The following DPF3 variants were observed in gnomAD, a reference collection of about 807,000 sequenced individuals.
DPF3 encodes double PHD fingers 3, also known as zinc finger protein DPF3.
In DPF3, 18 loss-of-function variants were observed where a neutral mutation model predicts 56.8. The ratio of observed to expected loss-of-function variants is 0.32; its 90% CI spans 0.22 to 0.47. DPF3 has a LOEUF of 0.47. Ranked by LOEUF, DPF3 falls within the 20% of genes least tolerant of loss-of-function variation. The pLI is 1.00. For synonymous variants in DPF3, 188 were observed against 180.2 expected (o/e 1.04, Z -0.35); for missense variants, 403 against 488.8 (o/e 0.82, Z 1.65).
rs114761291 is a variant in DPF3, at chr14:72,620,105, C to A, written c.985-121G>T. 1.7e-3 allele frequency: 1,797 copies of A among 1,032,098 alleles called. 9 individuals carry two copies. Among genetic ancestry groups the A allele is most frequent in the African/African-American group, 0.014 (889 of 61,940 alleles). The allele number at this position is 1,032,098 out of a possible 1,614,324, so 63.9% of individuals were successfully genotyped here. A position where few individuals can be genotyped will look rare whatever the true frequency, so the allele number is the denominator to read the frequency against. On this transcript the variant is annotated intron_variant, in intron 9 of 10. Transcript: ENST00000556509. Reference sequence around the variant, plus strand: ...GGTCTCACTGGATCCCCTTTCCAGGCCCCACTTGGAGTCCTCACTGTCCCC... The same window carrying A: ...GGTCTCACTGGATCCCCTTTCCAGGACCCACTTGGAGTCCTCACTGTCCCC...
intron 5 of DPF3, among the ~76,000 whole-genome samples, chr14:72,715,700 T>C (rs1232813554): frequency 6.6e-6 from 1 of 151,904 alleles, no homozygotes; most frequent in Non-Finnish European, 1.5e-5. Flanking sequence ...GCCTGTACCC[T>C]AGGCCTGCAA....
At chr14:72,875,361 T>C (rs1886072100) in intron 1 of DPF3, among the ~76,000 whole-genome samples, 1 of 152,086 alleles carries the variant, frequency 6.6e-6, no homozygotes. Flanking sequence ...GAGCCATGAT[T>C]GCGCCACTGC....
chr14:72,799,424 G>A (rs1479445811), intron 1 of DPF3, among the ~76,000 whole-genome samples: 2 of 152,076 alleles, frequency 1.3e-5, no homozygotes, highest in South Asian at 4.2e-4. Flanking sequence ...TAGCACTTTG[G>A]GAGGCTGAGG....
chr14:72,792,803 C>CCT (rs1892495837), intron 1 of DPF3, among the ~76,000 whole-genome samples: 3 of 152,096 alleles, frequency 2.0e-5, no homozygotes, highest in Admixed American at 6.5e-5. Flanking sequence ...CTGACCTGAA[C>CCT]CTCTCTCCCT....
intron 2 of DPF3, among the ~76,000 whole-genome samples, chr14:72,756,869 A>AAAGAAAGAAAGAAAGGAAGAAAGG (rs1555503988): frequency 1.0e-5 from 1 of 95,598 alleles, no homozygotes; most frequent in Non-Finnish European, 2.1e-5. Flanking sequence ...AGAAAGAAAG[A>AAAGAAAGAAAGAAAGGAAGAAAGG]AAGGAAGGAA....
intron 1 of DPF3, among the ~76,000 whole-genome samples, chr14:72,808,034 C>A (rs929366304): frequency 6.6e-6 from 1 of 152,098 alleles, no homozygotes; most frequent in African/African-American, 2.4e-5. Flanking sequence ...CTGAGGGTCA[C>A]CCCCAGCCTG....
At chr14:72,715,056 G>A (rs955063294) in intron 5 of DPF3, among the ~76,000 whole-genome samples, 4 of 152,216 alleles carry the variant, frequency 2.6e-5, no homozygotes, top group Non-Finnish European at 5.9e-5. Context: ...TGACATCCAG[G>A]CCCAGTGCAC....
intron 3 of DPF3, among the ~76,000 whole-genome samples, chr14:72,747,677 T>C (rs915385194): frequency 6.6e-6 from 1 of 151,288 alleles, no homozygotes; most frequent in African/African-American, 2.4e-5. Context: ...TGTGTCCCCA[T>C]CCAAATCTCA....
intron 2 of DPF3, among the ~76,000 whole-genome samples, chr14:72,770,036 G>A (rs1891457265): frequency 6.6e-6 from 1 of 152,072 alleles, no homozygotes; most frequent in South Asian, 2.1e-4. Flanking sequence ...TGATAGTCCT[G>A]GATTGAATAT....
chr14:72,811,124 A>C (rs1240889608), intron 1 of DPF3, among the ~76,000 whole-genome samples: 1 of 152,218 alleles, frequency 6.6e-6, no homozygotes, highest in Non-Finnish European at 1.5e-5. Context: ...TCAAACAACC[A>C]GATCTTGTGT....
intron 5 of DPF3, among the ~76,000 whole-genome samples, chr14:72,721,214 G>A (rs1889156917): frequency 6.6e-6 from 1 of 152,190 alleles, no homozygotes; most frequent in Non-Finnish European, 1.5e-5. Flanking sequence ...CCATCACATT[G>A]CCTGGTTTAC....
intron 1 of DPF3, chr14:72,892,029 T>C (rs1363447819): frequency 2.2e-6 from 2 of 925,764 alleles, no homozygotes; most frequent in Non-Finnish European, 1.4e-6. Context: ...CGCACCCTAC[T>C]GTGATCCAAA....
At chr14:72,893,665 G>GC (rs1259286647) in intron 1 of DPF3, among the ~76,000 whole-genome samples, 2 of 151,788 alleles carry the variant, frequency 1.3e-5, no homozygotes, top group African/African-American at 4.8e-5. Context: ...CCCGACGCTC[G>GC]CCCCCCGCCC....
At chr14:72,701,840 G>T (rs966306773) in intron 6 of DPF3, among the ~76,000 whole-genome samples, 1 of 152,160 alleles carries the variant, frequency 6.6e-6, no homozygotes, top group African/African-American at 2.4e-5. Flanking sequence ...GCTCATTCCC[G>T]GCTCTGCCCC....
rs76105813 is a variant in DPF3, at chr14:72,877,931, G to A, written c.32+16126C>T. Among the ~76,000 whole-genome samples, 108 of 152,274 alleles carry A rather than the reference G, an allele frequency of 7.1e-4. 1 individual carries two copies. The East Asian group carries it at 0.018, about 26-fold the overall frequency. On this transcript the variant is annotated intron_variant, in intron 1 of 10. Transcript: ENST00000556509. The stretch of plus-strand genomic sequence containing the variant: ...AGAAAGAAAATGAGTGCCAGGAACC[G>A]GACAGCCCTGTGTCACCCTCTGTCC...
chr14:72,856,997 G>T (rs1193641171), intron 1 of DPF3, among the ~76,000 whole-genome samples: 1 of 152,156 alleles, frequency 6.6e-6, no homozygotes, highest in African/African-American at 2.4e-5. Context: ...GAGTTAATTT[G>T]CTTCCAGCAG....
intron 1 of DPF3, among the ~76,000 whole-genome samples, chr14:72,798,703 T>C (rs954922105): frequency 5.9e-5 from 9 of 152,166 alleles, no homozygotes; most frequent in African/African-American, 1.9e-4. Context: ...GTATGGGAAG[T>C]CAGAAGCTCC....
At chr14:72,725,121 TACAA>T (rs1205606984) in intron 4 of DPF3, among the ~76,000 whole-genome samples, 1 of 152,190 alleles carries the variant, frequency 6.6e-6, no homozygotes, top group Non-Finnish European at 1.5e-5. Context: ...TCATTCCATC[TACAA>T]ACATTTATCT....
rs74062332 is a variant in DPF3, at chr14:72,660,976, A to T, written c.871+13264T>A. The T allele has an allele frequency of 2.0e-3, 1,621 of 803,100 alleles. 24 individuals are homozygous for T. In the African/African-American group the frequency reaches 0.028, roughly 14 times the overall value. The allele number at this position is 803,100 out of a possible 1,614,324, so 49.7% of individuals were successfully genotyped here. The stretch of plus-strand genomic sequence containing the variant: ...GAATCATCTCAGGAGTCCCTGCCGC[A>T]TGACGGCGTGAAAGTGAACTCACAC... On this transcript the variant is annotated intron_variant, in intron 8 of 10. Coordinates refer to ENST00000556509, the MANE Select transcript of DPF3 (RefSeq NM_001280542.3).
Sources: gnomAD v4.1 joint callset for allele counts (sites outside exome capture counted in the v4.1 genomes callset) on GRCh38, gnomAD v4.1.1 for gene constraint, MANE v1.5 for transcripts, NCBI Gene and HGNC (gene_info 2026-07-23, HGNC 2026-07-21) for gene names.